B3GAT2: variants seen among roughly 807,000 people sequenced by gnomAD.
B3GAT2 encodes the protein beta-1,3-glucuronyltransferase 2.
In B3GAT2, 26 loss-of-function variants were observed where a neutral mutation model predicts 27.8. The ratio of observed to expected loss-of-function variants is 0.93; its 90% confidence interval spans 0.68 to 1.30. The LOEUF (loss-of-function observed/expected upper bound fraction) is 1.30. Ranked by LOEUF, B3GAT2 falls within the 50% of genes most tolerant of loss-of-function variation. The probability of loss-of-function intolerance (pLI) is 0.00; values close to 1 mark genes in which losing one functional copy is unlikely to be tolerated. For synonymous variants in B3GAT2, 218 were observed against 195.1 expected (o/e 1.12, Z -0.98); for missense variants, 458 against 459.0 (o/e 1.00, Z 0.02).
At chr6:70,900,905 AT>A (rs1166942737) in intron 1 of B3GAT2, among the ~76,000 whole-genome samples, 4 of 152,250 alleles carry the variant, frequency 2.6e-5, no homozygotes, top group Non-Finnish European at 5.9e-5. Context: ...ACAATAAAAA[AT>A]GTGACACTCT....
Position 70,956,416 on chromosome 6 carries a change from A to G in B3GAT2, c.14T>C (p.Leu5Pro). MKSA[L>P]FTRFFILLPW... Reference sequence around the variant, plus strand: ...CAGGAGGATAAAGAAGCGGGTGAAAAGCGCGGACTTCATGGTGCACGCTCC... The same window carrying G: ...CAGGAGGATAAAGAAGCGGGTGAAAGGCGCGGACTTCATGGTGCACGCTCC... Residue 5 changes from leucine (L) to proline (P), a missense_variant, in exon 1 of 4, where the codon CTT becomes CCT. Leu to Pro is a moderately conservative substitution (Grantham distance 98). Coordinates refer to ENST00000230053, the MANE Select transcript of B3GAT2 (RefSeq NM_080742.3). The G allele has an allele frequency of 6.4e-7, 1 of 1,551,536 alleles. No homozygotes were observed.
intron 1 of B3GAT2, among the ~76,000 whole-genome samples, chr6:70,951,852 T>G (rs1304428608): frequency 1.3e-5 from 2 of 152,174 alleles, no homozygotes; most frequent in Non-Finnish European, 2.9e-5. Flanking sequence ...GGGGCACATT[T>G]CAGGTAAAAT....
At chr6:70,876,919 G>T (rs983257898) in intron 2 of B3GAT2, among the ~76,000 whole-genome samples, 1 of 152,182 alleles carries the variant, frequency 6.6e-6, no homozygotes, top group African/African-American at 2.4e-5. Context: ...AATGAGTAAG[G>T]GCTTTGGAGA....
intron 1 of B3GAT2, among the ~76,000 whole-genome samples, chr6:70,924,171 T>C (rs922770453): frequency 1.3e-5 from 2 of 152,016 alleles, no homozygotes; most frequent in Admixed American, 6.6e-5. Context: ...AAATAAAACC[T>C]ACCAGCATAA....
At position 70,923,709 on chromosome 6, in the gene B3GAT2, G is replaced by A. The variant is rs370275011; in HGVS notation, c.592-29437C>T. 2.6e-5 allele frequency among the ~76,000 whole-genome samples: 4 copies of A among 152,222 alleles called. 1 individual carries two copies. The highest frequency in any genetic ancestry group is 9.6e-5 in the African/African-American group (4 of 41,528). On this transcript the variant is annotated intron_variant, in intron 1 of 3. Coordinates refer to ENST00000230053, the MANE Select transcript of B3GAT2 (RefSeq NM_080742.3). Reference sequence around the variant, plus strand: ...AACCCTGCTTAGAAACATCTCACAGGTAGACAATTCAGAAAACCCTGTATT... The same window carrying A: ...AACCCTGCTTAGAAACATCTCACAGATAGACAATTCAGAAAACCCTGTATT...
chr6:70,894,693 G>C (rs1458369119), intron 1 of B3GAT2, among the ~76,000 whole-genome samples: 1 of 152,168 alleles, frequency 6.6e-6, no homozygotes, highest in Admixed American at 6.5e-5. Flanking sequence ...AGTCACAGGA[G>C]CGTCCTTTCT....
intron 2 of B3GAT2, among the ~76,000 whole-genome samples, chr6:70,864,347 A>C (rs1771815903): frequency 6.6e-6 from 1 of 152,204 alleles, no homozygotes; most frequent in Non-Finnish European, 1.5e-5. Flanking sequence ...ATATCCTTCC[A>C]GCGCTTCACA....
chr6:70,857,210 GT>G lies in B3GAT2; in HGVS notation c.*4452del, dbSNP rs1771464240. ...TTAGAATTAAAAAATTAAGAGGCAT[GT>G]ACAGGATTCACAGAACTTTATTTGG... is the stretch of plus-strand genomic sequence containing the variant. On this transcript the variant is annotated 3_prime_UTR_variant, in exon 4 of 4. Coordinates refer to ENST00000230053, the MANE Select transcript of B3GAT2 (RefSeq NM_080742.3). 2.0e-6 allele frequency: 1 copy of G among 512,118 alleles called. No homozygotes were observed. Among genetic ancestry groups the G allele is most frequent in the Non-Finnish European group, 3.2e-6 (1 of 313,274 alleles). The allele number at this position is 512,118 out of a possible 1,614,324, so 31.7% of individuals were successfully genotyped here.
chr6:70,858,408 C>A lies in B3GAT2; in HGVS notation c.*3255G>T. ...ATATTATGAAGTTGTATCAGATAGA[C>A]AAATGATGTGTTATTATCGCTATTT... On this transcript the variant is annotated 3_prime_UTR_variant, in exon 4 of 4. Coordinates refer to ENST00000230053, the MANE Select transcript of B3GAT2 (RefSeq NM_080742.3). The A allele has an allele frequency of 1.9e-6, 1 of 528,546 alleles. No homozygotes were observed. The highest frequency in any genetic ancestry group is 3.3e-5 in the South Asian group (1 of 30,566). The allele number at this position is 528,546 out of a possible 1,614,324, so 32.7% of individuals were successfully genotyped here. A position where few individuals can be genotyped will look rare whatever the true frequency, so the allele number is the denominator to read the frequency against.
chr6:70,878,248 AGT>A, intron 2 of B3GAT2, among the ~76,000 whole-genome samples: 1 of 152,280 alleles, frequency 6.6e-6, no homozygotes, highest in South Asian at 2.1e-4. Context: ...GATTTAGATA[AGT>A]GTGTTAAACA....
chr6:70,929,434 G>GTA (rs532491703), intron 1 of B3GAT2, among the ~76,000 whole-genome samples: 2 of 152,246 alleles, frequency 1.3e-5, no homozygotes, highest in South Asian at 4.2e-4. Flanking sequence ...TGACATGACT[G>GTA]TATATTTAGA....
At chr6:70,899,097 A>G (rs747410042) in intron 1 of B3GAT2, among the ~76,000 whole-genome samples, 6 of 152,314 alleles carry the variant, frequency 3.9e-5, no homozygotes, top group Non-Finnish European at 8.8e-5. Context: ...CACAATAAAA[A>G]AGGGAGACAG....
At chr6:70,923,304 T>G (rs1243877155) in intron 1 of B3GAT2, among the ~76,000 whole-genome samples, 3 of 152,190 alleles carry the variant, frequency 2.0e-5, no homozygotes, top group Non-Finnish European at 4.4e-5. Context: ...GGGCTGCCCT[T>G]CTTTCTGTGT....
At chr6:70,890,639 T>G (rs916727595) in intron 2 of B3GAT2, among the ~76,000 whole-genome samples, 1 of 152,200 alleles carries the variant, frequency 6.6e-6, no homozygotes, top group African/African-American at 2.4e-5. Context: ...GTGTAGTCAG[T>G]TGATCAGAAG....
chr6:70,954,915 CGGGGG>C (rs111472599), intron 1 of B3GAT2, among the ~76,000 whole-genome samples: 1 of 114,960 alleles, frequency 8.7e-6, no homozygotes, highest in Admixed American at 8.7e-5. Context: ...CCGGGGGCGG[CGGGGG>C]GGGGCGGTGC....
rs551313792 is a variant in B3GAT2, at chr6:70,952,659, A to G, written c.591+3180T>C. 8.9e-4 allele frequency among the ~76,000 whole-genome samples: 135 copies of G among 152,320 alleles called. 1 individual carries two copies. Among genetic ancestry groups the G allele is most frequent in the Middle Eastern group, 6.8e-3 (2 of 294 alleles). On this transcript the variant is annotated intron_variant, in intron 1 of 3. Transcript: ENST00000230053. The stretch of plus-strand genomic sequence containing the variant: ...AAACCCCATCAATGCCACAGGAAGA[A>G]GAGGAGTAGCTGTTGAGATTTTTGA...
intron 2 of B3GAT2, among the ~76,000 whole-genome samples, chr6:70,873,348 CT>C (rs1275507648): frequency 7.0e-6 from 1 of 143,658 alleles, no homozygotes; most frequent in Admixed American, 6.9e-5. Context: ...GTTGATCTTT[CT>C]TTTTTTCCTT....
chr6:70,949,461 C>A (rs1344426053), intron 1 of B3GAT2, among the ~76,000 whole-genome samples: 2 of 150,860 alleles, frequency 1.3e-5, no homozygotes, highest in Non-Finnish European at 3.0e-5. Flanking sequence ...AAATGCTCAG[C>A]ATCACTGGCC....
chr6:70,934,803 A>T (rs955462842), intron 1 of B3GAT2, among the ~76,000 whole-genome samples: 2 of 152,208 alleles, frequency 1.3e-5, no homozygotes, highest in African/African-American at 4.8e-5. Context: ...GCAATCTGTA[A>T]TATTTGTCAA....
Sources: gnomAD v4.1 joint callset for allele counts (sites outside exome capture counted in the v4.1 genomes callset) on GRCh38, gnomAD v4.1.1 for gene constraint, MANE v1.5 for transcripts, NCBI Gene and HGNC (gene_info 2026-07-23, HGNC 2026-07-21) for gene names.